Variants in UTS2 observed in about 807,000 individuals in gnomAD.
The protein encoded by UTS2 is urotensin 2.
In UTS2, 10 loss-of-function variants were observed where a neutral mutation model predicts 12.6. That is an observed-to-expected ratio of 0.80 (90% CI 0.49 to 1.35). UTS2 has a LOEUF of 1.35. UTS2 is among the 40% of genes most tolerant of loss of function. The pLI is 0.00. For synonymous variants in UTS2, 52 were observed against 50.0 expected (o/e 1.04, Z -0.17); for missense variants, 142 against 143.2 (o/e 0.99, Z 0.04).
the UTS2 span, among the ~76,000 whole-genome samples, chr1:7,907,538 G>T: frequency 6.6e-6 from 1 of 151,374 alleles, no homozygotes; most frequent in Non-Finnish European, 1.5e-5. Context: ...AGAAGTCGTA[G>T]CTACTCAGGA....
At chr1:7,902,712 TC>T in the UTS2 span, among the ~76,000 whole-genome samples, 49 of 152,046 alleles carry the variant, frequency 3.2e-4, no homozygotes, top group Non-Finnish European at 5.4e-4. Context: ...TGAGCCAGCT[TC>T]CCCGGCCAGC....
At chr1:7,849,043 A>G (rs2097411013) in intron 3 of UTS2, among the ~76,000 whole-genome samples, 1 of 152,170 alleles carries the variant, frequency 6.6e-6, no homozygotes, top group Non-Finnish European at 1.5e-5. Flanking sequence ...ATGGTGAATG[A>G]GAGCACAAGT....
chr1:7,887,195 T>A, the UTS2 span, among the ~76,000 whole-genome samples: 1 of 151,802 alleles, frequency 6.6e-6, no homozygotes, highest in Non-Finnish European at 1.5e-5. Context: ...ATTGCCAGGC[T>A]GTTTTGTACT....
At chr1:7,887,592 C>CAA in the UTS2 span, among the ~76,000 whole-genome samples, 365 of 62,420 alleles carry the variant, frequency 5.8e-3, 1 homozygote, top group Non-Finnish European at 7.3e-3. Context: ...CCAGTCTCTA[C>CAA]AAAAAAAAAA....
At chr1:7,887,350 A>G in the UTS2 span, among the ~76,000 whole-genome samples, 2 of 152,090 alleles carry the variant, frequency 1.3e-5, no homozygotes. Flanking sequence ...GAGCCCCTCC[A>G]TTGCCACTGG....
chr1:7,896,094 C>T, the UTS2 span, among the ~76,000 whole-genome samples: 1 of 152,070 alleles, frequency 6.6e-6, no homozygotes, highest in Non-Finnish European at 1.5e-5. Flanking sequence ...AAAATGCTTC[C>T]CAAGGAAAAT....
the UTS2 span, among the ~76,000 whole-genome samples, chr1:7,892,143 A>G: frequency 0.69 from 105,505 of 152,142 alleles, 36,977 homozygotes; most frequent in African/African-American, 0.79. Context: ...TTGTCACTGC[A>G]TGGTCAGGGT....
At chr1:7,863,052 T>TTGAGAC in the UTS2 span, among the ~76,000 whole-genome samples, 3 of 58,982 alleles carry the variant, frequency 5.1e-5, no homozygotes, top group Admixed American at 1.9e-4. Context: ...TGTATTGTAT[T>TTGAGAC]GTATTGTATT....
chr1:7,853,610 G>A, upstream of UTS2: 1 of 726,612 alleles, frequency 1.4e-6, no homozygotes, highest in Non-Finnish European at 2.1e-6. Flanking sequence ...ACATACACGT[G>A]GCCTCATGTG....
At chr1:7,872,929 C>T in the UTS2 span, among the ~76,000 whole-genome samples, 4 of 152,166 alleles carry the variant, frequency 2.6e-5, no homozygotes, top group South Asian at 2.1e-4. Flanking sequence ...AGGCCGACTC[C>T]ATTGTTAGGA....
chr1:7,864,392 T>C, the UTS2 span, among the ~76,000 whole-genome samples: 5 of 152,300 alleles, frequency 3.3e-5, no homozygotes, highest in East Asian at 7.7e-4. Flanking sequence ...CTCAATCCTC[T>C]GTCCCTCCCA....
the UTS2 span, among the ~76,000 whole-genome samples, chr1:7,863,040 ATT>A: frequency 0.014 from 508 of 36,568 alleles, 14 homozygotes; most frequent in Non-Finnish European, 0.015. Context: ...ATTGTATTGT[ATT>A]GTATTGTATT....
chr1:7,876,047 C>T, the UTS2 span, among the ~76,000 whole-genome samples: 891 of 152,320 alleles, frequency 5.8e-3, 12 homozygotes, highest in African/African-American at 0.021. Context: ...CTGTGCATAC[C>T]ATTTGATCCC....
the UTS2 span, among the ~76,000 whole-genome samples, chr1:7,883,477 C>G: frequency 2.0e-5 from 3 of 152,040 alleles, no homozygotes; most frequent in East Asian, 5.8e-4. Context: ...AATAATGTAA[C>G]TATGGTTACA....
the UTS2 span, among the ~76,000 whole-genome samples, chr1:7,887,592 C>CA: frequency 0.049 from 3,033 of 62,414 alleles, 247 homozygotes; most frequent in African/African-American, 0.13. Flanking sequence ...CCAGTCTCTA[C>CA]AAAAAAAAAA....
the UTS2 span, among the ~76,000 whole-genome samples, chr1:7,867,784 G>C: frequency 4.9e-3 from 745 of 152,310 alleles, 4 homozygotes; most frequent in African/African-American, 0.017. Context: ...GCTGAGGCAG[G>C]AGAATCGCTT....
At chr1:7,911,992 T>C in the UTS2 span, among the ~76,000 whole-genome samples, 1 of 152,130 alleles carries the variant, frequency 6.6e-6, no homozygotes, top group Non-Finnish European at 1.5e-5. Context: ...AAAGAAATCT[T>C]TAAGAACTAT....
the UTS2 span, among the ~76,000 whole-genome samples, chr1:7,871,227 G>A: frequency 6.6e-6 from 1 of 152,214 alleles, no homozygotes; most frequent in Non-Finnish European, 1.5e-5. Context: ...GCTCTTGTCT[G>A]AGTTGGTGTT....
chr1:7,872,076 T>C, the UTS2 span, among the ~76,000 whole-genome samples: 1 of 149,970 alleles, frequency 6.7e-6, no homozygotes, highest in Non-Finnish European at 1.5e-5. Flanking sequence ...CCGAGGCGGG[T>C]GGATCATGAG....
Sources: allele counts gnomAD v4.1 joint callset (sites outside exome capture counted in the v4.1 genomes callset), GRCh38; gene constraint gnomAD v4.1.1; transcripts MANE v1.5; gene names NCBI Gene and HGNC (gene_info 2026-07-23, HGNC 2026-07-21).